ZGRF1: variants seen among roughly 807,000 people sequenced by gnomAD.
ZGRF1 encodes zinc finger GRF-type containing 1, also known as 5'-3' DNA helicase ZGRF1.
A neutral mutation model predicts 203.5 loss-of-function variants in ZGRF1; 196 were observed. The ratio of observed to expected loss-of-function variants is 0.96; its 90% CI spans 0.86 to 1.08. ZGRF1 has a LOEUF of 1.08. ZGRF1 is among the 50% of genes least tolerant of loss of function. The pLI is 0.00. For synonymous variants in ZGRF1, 809 were observed against 841.3 expected (o/e 0.96, Z 0.66); for missense variants, 2,326 against 2,416.3 (o/e 0.96, Z 0.78).
Position 112,619,652 on chromosome 4 carries a change from A to T in ZGRF1, c.390T>A (p.Val130=), listed in dbSNP as rs2149164945. 6.2e-7 allele frequency: 1 copy of T among 1,612,078 alleles called. No individual in the cohort carries two copies. Among genetic ancestry groups the T allele is most frequent in the East Asian group, 2.2e-5 (1 of 44,864 alleles). The change falls in exon 6 of 28, where the codon GTT becomes GTA. Residue 130 remains valine (V), a synonymous_variant. Transcript: ENST00000505019. ...CAGCTGATTCACCACTTTCCATAAT[A>T]ACCATTTTCTTTGGAACCTGACGTG... The part of the protein sequence containing the change: ...QGPRQVPKKM[V]IMESGESAAS...
chr4:112,597,031 T>C (rs931789283), intron 10 of ZGRF1, among the ~76,000 whole-genome samples: 1 of 151,318 alleles, frequency 6.6e-6, no homozygotes, highest in Non-Finnish European at 1.5e-5. Context: ...CTGGTCAACA[T>C]AGTGAAACCC....
intron 7 of ZGRF1, among the ~76,000 whole-genome samples, chr4:112,609,679 C>A (rs576819215): frequency 2.6e-5 from 4 of 151,714 alleles, no homozygotes; most frequent in Middle Eastern, 3.4e-3. Flanking sequence ...TGGTGGCACA[C>A]CCCAGCTACT....
chr4:112,568,887 G>A (rs547403636), intron 16 of ZGRF1, among the ~76,000 whole-genome samples: 9 of 151,988 alleles, frequency 5.9e-5, no homozygotes, highest in East Asian at 1.9e-4. Context: ...GGTGGTGTGC[G>A]CCTGTAGTCC....
chr4:112,545,176 A>T (rs1333526436), intron 24 of ZGRF1, among the ~76,000 whole-genome samples: 1 of 152,120 alleles, frequency 6.6e-6, no homozygotes, highest in Non-Finnish European at 1.5e-5. Flanking sequence ...TTGTGCATCA[A>T]AAAACACTAT....
intron 3 of ZGRF1, among the ~76,000 whole-genome samples, chr4:112,624,942 T>C (rs1360420937): frequency 6.6e-6 from 1 of 152,160 alleles, no homozygotes. Context: ...AAAGTTGAAG[T>C]AACCCAAAGG....
At chr4:112,636,144 G>A in intron 1 of ZGRF1, among the ~76,000 whole-genome samples, 1 of 152,108 alleles carries the variant, frequency 6.6e-6, no homozygotes, top group East Asian at 1.9e-4. Flanking sequence ...ATCTGTCCAC[G>A]TCTACCAGAC....
At chr4:112,572,884 T>C (rs780305271) in intron 16 of ZGRF1, among the ~76,000 whole-genome samples, 17 of 152,064 alleles carry the variant, frequency 1.1e-4, no homozygotes, top group Non-Finnish European at 1.8e-4. Context: ...ATGGCCATAA[T>C]CAAAAAATCA....
intron 24 of ZGRF1, among the ~76,000 whole-genome samples, chr4:112,545,848 G>C (rs1363631098): frequency 6.6e-6 from 1 of 152,006 alleles, no homozygotes; most frequent in South Asian, 2.1e-4. Flanking sequence ...AAGTAAATAA[G>C]ACAGACATAA....
At chr4:112,556,838 A>T (rs565914345) in intron 20 of ZGRF1, among the ~76,000 whole-genome samples, 18 of 152,326 alleles carry the variant, frequency 1.2e-4, no homozygotes, top group Admixed American at 7.8e-4. Context: ...ATTAACTTAT[A>T]TAATTATAAA....
chr4:112,623,745 A>G (rs2047138488), intron 4 of ZGRF1, 72 bp downstream of exon 4: 5 of 746,624 alleles, frequency 6.7e-6, no homozygotes, highest in Non-Finnish European at 1.1e-5. Flanking sequence ...TACACTAACA[A>G]TATTCATAAA....
rs372554880 is a variant in ZGRF1 at position 112,586,513 on chromosome 4, T to C, written c.3848A>G (p.Gln1283Arg). 10 of 1,613,240 alleles carry C rather than the reference T, an allele frequency of 6.2e-6. No homozygotes were observed. Among genetic ancestry groups the C allele is most frequent in the Non-Finnish European group, 7.6e-6 (9 of 1,179,544 alleles). ...KIKSAYLPQRQIHIPAVFQSP... is the reference protein window; with the variant it reads ...KIKSAYLPQRRIHIPAVFQSP... ...CTGAAAAACAGCTGGTATGTGAATT[T>C]GCCTTTGGGGAAGATAAGCAGATTT... Residue 1283 changes from glutamine to arginine, a missense_variant, in exon 13 of 28, where the codon CAA (glutamine) becomes CGA (arginine). Transcript: ENST00000505019.
intron 6 of ZGRF1, among the ~76,000 whole-genome samples, chr4:112,613,558 T>C (rs902331187): frequency 7.9e-5 from 12 of 152,158 alleles, no homozygotes; most frequent in Non-Finnish European, 1.6e-4. Context: ...AACAGTGATA[T>C]GATACAGAAC....
chr4:112,579,330 A>G (rs1745797901), intron 16 of ZGRF1, among the ~76,000 whole-genome samples: 1 of 123,072 alleles, frequency 8.1e-6, no homozygotes, highest in African/African-American at 2.8e-5. Flanking sequence ...GAATGGGCAA[A>G]AACTGGAAGC....
intron 10 of ZGRF1, among the ~76,000 whole-genome samples, chr4:112,602,515 A>C (rs1750138402): frequency 1.3e-5 from 2 of 152,232 alleles, no homozygotes; most frequent in African/African-American, 2.4e-5. Context: ...CCAGTGACTC[A>C]ATGATGCTAC....
intron 16 of ZGRF1, among the ~76,000 whole-genome samples, chr4:112,580,857 G>C (rs992574299): frequency 6.6e-6 from 1 of 152,054 alleles, no homozygotes; most frequent in Non-Finnish European, 1.5e-5. Flanking sequence ...AACCATTGTG[G>C]AAGTCAGTGT....
intron 14 of ZGRF1, among the ~76,000 whole-genome samples, chr4:112,584,953 A>G (rs1402552463): frequency 1.3e-5 from 2 of 152,240 alleles, no homozygotes; most frequent in Admixed American, 1.3e-4. Flanking sequence ...CTTATCTGTT[A>G]CTTGTACTGG....
intron 16 of ZGRF1, among the ~76,000 whole-genome samples, chr4:112,563,705 A>G (rs369063517): frequency 4.2e-4 from 64 of 152,236 alleles, no homozygotes; most frequent in South Asian, 1.0e-3. Context: ...TGCCATAACA[A>G]AATATCTTAA....
chr4:112,635,071 A>C (rs1460905340), intron 1 of ZGRF1, among the ~76,000 whole-genome samples: 1 of 149,952 alleles, frequency 6.7e-6, no homozygotes, highest in African/African-American at 2.4e-5. Flanking sequence ...CGGAGGTTGC[A>C]GTGAGCAGAG....
Position 112,553,933 on chromosome 4 carries a change from C to A in ZGRF1, c.5248G>T (p.Ala1750Ser). The A allele has an allele frequency of 1.2e-6, 2 of 1,613,060 alleles. No homozygotes were observed. Among genetic ancestry groups the A allele is most frequent in the Non-Finnish European group, 1.7e-6 (2 of 1,179,576 alleles). The stretch of plus-strand genomic sequence containing the variant: ...GGAGTCAGGTCTTCTTTCATTAGTG[C>A]ATGTAGTTCTTTTAACTGTTCACTT... Reference protein sequence around the residue: ...NESEQLKELHALMKEDLTPTE... With the variant: ...NESEQLKELHSLMKEDLTPTE... Residue 1750 changes from alanine (A) to serine (S), a missense_variant, in exon 22 of 28, where the codon GCA becomes TCA. Physicochemically the swap from Ala to Ser is moderately conservative, Grantham distance 99. Coordinates refer to ENST00000505019, the MANE Select transcript of ZGRF1 (RefSeq NM_018392.5).
Sources: allele counts gnomAD v4.1 joint callset (sites outside exome capture counted in the v4.1 genomes callset), GRCh38; gene constraint gnomAD v4.1.1; transcripts MANE v1.5; gene names NCBI Gene and HGNC (gene_info 2026-07-23, HGNC 2026-07-21).